WT1: variants seen among roughly 807,000 people sequenced by gnomAD.
The protein encoded by WT1 is Wilms tumor protein.
WT1 carries 8 observed loss-of-function variants against 60.8 expected under a neutral mutation model. The ratio of observed to expected loss-of-function variants is 0.13; its 90% CI spans 0.08 to 0.24. The LOEUF is 0.24. Among genes scored for constraint, WT1 ranks in the 10% least tolerant of loss-of-function variants. WT1 has a pLI of 1.00. For synonymous variants in WT1, 312 were observed against 297.1 expected, an observed-to-expected ratio of 1.05 and a Z score of -0.52; for missense variants, 568 against 711.8, an observed-to-expected ratio of 0.80 and a Z score of 2.30.
intron 3 of WT1, among the ~76,000 whole-genome samples, chr11:32,424,167 A>T (rs1852947693): frequency 6.6e-6 from 1 of 151,844 alleles, no homozygotes. Flanking sequence ...TCTCAAAAAA[A>T]AAAAAAAAAA....
chr11:32,400,209 A>G (rs920669723), intron 5 of WT1, 165 bp from the exon 6 acceptor site: 35 of 806,386 alleles, frequency 4.3e-5, no homozygotes, highest in Non-Finnish European at 6.8e-5. Flanking sequence ...GGTTCTGCGG[A>G]GGGCGAGGCC....
Position 32,434,708 on chromosome 11 carries a change from C to T in WT1, c.653G>A (p.Arg218His), listed in dbSNP as rs756414084. The T allele has an allele frequency of 1.2e-6, 2 of 1,612,986 alleles. No individual in the cohort carries two copies. Among genetic ancestry groups the T allele is most frequent in the Middle Eastern group, 1.7e-4 (1 of 6,044 alleles). The change falls in exon 1 of 10, where the codon CGC becomes CAC. Residue 218 changes from arginine (R) to histidine (H), a missense_variant. Arg to His is a conservative substitution (Grantham distance 29). Coordinates refer to ENST00000452863, the MANE Select transcript of WT1 (RefSeq NM_024426.6). ...CTCCCCGGCCTACTTACCCTGATTGCGAATAGCGGGCTGGCTCTCGAGGCA... is the reference window on the plus strand; with the variant it reads ...CTCCCCGGCCTACTTACCCTGATTGTGAATAGCGGGCTGGCTCTCGAGGCA...
In WT1 at chr11:32,434,932, G is replaced by T; in HGVS notation, c.429C>A (p.Ser143=). Residue 143 remains serine, a synonymous_variant, in exon 1 of 10, where the codon TCC becomes TCA. Coordinates refer to ENST00000452863, the MANE Select transcript of WT1 (RefSeq NM_024426.6). ...CCCAGCTCGGCTCCTGTTTGATGAAGGAGTGAGGCGGCGGCGGCGGGGGTG... is the reference window on the plus strand; with the variant it reads ...CCCAGCTCGGCTCCTGTTTGATGAATGAGTGAGGCGGCGGCGGCGGGGGTG... 2 of 1,597,140 alleles carry T rather than the reference G, an allele frequency of 1.3e-6. No individual in the cohort carries two copies. Among genetic ancestry groups the T allele is most frequent in the Non-Finnish European group, 1.7e-6 (2 of 1,173,982 alleles).
Position 32,417,532 on chromosome 11 carries a change from G to C in WT1, c.965+45C>G, listed in dbSNP as rs367943429. On this transcript the variant is annotated intron_variant, in intron 4 of 9. Coordinates refer to ENST00000452863, the MANE Select transcript of WT1 (RefSeq NM_024426.6). ...AAGCACCTTTGAAATGGTTCAAACA[G>C]GTATAAGTTACTGTGGAAAGGCAAT... The C allele has an allele frequency of 1.0e-5, 16 of 1,537,504 alleles. No homozygotes were observed. In the African/African-American group the frequency reaches 1.9e-4, roughly 18 times the overall value.
intron 5 of WT1, among the ~76,000 whole-genome samples, chr11:32,402,761 G>T (rs748419839): frequency 6.6e-6 from 1 of 152,162 alleles, no homozygotes; most frequent in Non-Finnish European, 1.5e-5. Flanking sequence ...GTCCTCCATA[G>T]GATGGTCTCA....
chr11:32,397,496 T>G (rs1012866796), intron 6 of WT1, among the ~76,000 whole-genome samples: 2 of 151,502 alleles, frequency 1.3e-5, no homozygotes, highest in Non-Finnish European at 2.9e-5. Flanking sequence ...TTTTTTTTTT[T>G]TTTGGTAGAG....
At chr11:32,433,137 C>T (rs1853366862) in intron 1 of WT1, among the ~76,000 whole-genome samples, 1 of 152,210 alleles carries the variant, frequency 6.6e-6, no homozygotes, top group Non-Finnish European at 1.5e-5. Flanking sequence ...CTAGAAACTC[C>T]CCAAAAGTAA....
intron 5 of WT1, 117 bp downstream of exon 5, chr11:32,416,373 C>T (rs1852669106): frequency 7.8e-7 from 1 of 1,287,798 alleles, no homozygotes; most frequent in Non-Finnish European, 1.1e-6. Context: ...AGAGATTCTT[C>T]CCATCCACCA....
chr11:32,422,544 G>A (rs1429310112), intron 3 of WT1, among the ~76,000 whole-genome samples: 3 of 152,186 alleles, frequency 2.0e-5, no homozygotes, highest in Non-Finnish European at 4.4e-5. Flanking sequence ...TATTTTCTTG[G>A]GCATGGGCTG....
At chr11:32,421,469 T>G (rs1261277868) in intron 3 of WT1, among the ~76,000 whole-genome samples, 1 of 152,232 alleles carries the variant, frequency 6.6e-6, no homozygotes, top group Non-Finnish European at 1.5e-5. Context: ...AGTCATGGTG[T>G]CCTTTATATT....
At chr11:32,430,646 C>T in intron 1 of WT1, 1 of 1,506,886 alleles carries the variant, frequency 6.6e-7, no homozygotes, top group African/African-American at 1.4e-5. Flanking sequence ...AGTCGCGGCA[C>T]CCACTCTCGA....
At chr11:32,396,903 C>T (rs1375299069) in intron 6 of WT1, among the ~76,000 whole-genome samples, 2 of 152,146 alleles carry the variant, frequency 1.3e-5, no homozygotes, top group Non-Finnish European at 2.9e-5. Flanking sequence ...CTGACCAGAT[C>T]GTCCAAGTAT....
rs141990496 is a variant in WT1, at chr11:32,408,356, A to T, written c.1016+8134T>A. 3.3e-3 allele frequency among the ~76,000 whole-genome samples: 502 copies of T among 152,010 alleles called. 2 individuals are homozygous for T. The highest frequency in any genetic ancestry group is 0.012 in the African/African-American group (480 of 41,472). The stretch of plus-strand genomic sequence containing the variant: ...GGTGAAACCCCGTCTCTACTAAAAA[A>T]TACAAAACATTAGCCGGGTGTCGTG... On this transcript the variant is annotated intron_variant, in intron 5 of 9. Transcript: ENST00000452863.
intron 5 of WT1, among the ~76,000 whole-genome samples, chr11:32,402,047 G>C (rs1305368902): frequency 6.6e-6 from 1 of 152,156 alleles, no homozygotes; most frequent in African/African-American, 2.4e-5. Context: ...AGAGGAGAGA[G>C]TGCCTGAAGG....
At chr11:32,396,913 T>G (rs1475908361) in intron 6 of WT1, among the ~76,000 whole-genome samples, 1 of 152,164 alleles carries the variant, frequency 6.6e-6, no homozygotes, top group African/African-American at 2.4e-5. Flanking sequence ...CGTCCAAGTA[T>G]AAGTAAATAA....
In WT1 at chr11:32,396,878, T is replaced by A. The variant is rs114599415; in HGVS notation, c.1114-471A>T. ...TCCTTATTAGAAAAAAGTGGGATAA[T>A]GAATGAGCCCCTAACTGACCAGATC... On this transcript the variant is annotated intron_variant, in intron 6 of 9. Coordinates refer to ENST00000452863, the MANE Select transcript of WT1 (RefSeq NM_024426.6). 3.2e-3 allele frequency among the ~76,000 whole-genome samples: 482 copies of A among 152,228 alleles called. 1 individual carries two copies. Among genetic ancestry groups the A allele is most frequent in the African/African-American group, 0.011 (464 of 41,538 alleles).
intron 1 of WT1, among the ~76,000 whole-genome samples, chr11:32,434,441 C>T (rs1473515984): frequency 2.0e-5 from 3 of 152,242 alleles, no homozygotes; most frequent in African/African-American, 4.8e-5. Context: ...CTCTAAGGGG[C>T]CCCAGACGCC....
Position 32,416,488 on chromosome 11 carries a change from A to C in WT1, c.1016+2T>G, listed in dbSNP as rs1852674417. 1 of 1,614,066 alleles carries C rather than the reference A, an allele frequency of 6.2e-7. No homozygotes were observed. Among genetic ancestry groups the C allele is most frequent in the Non-Finnish European group, 8.5e-7 (1 of 1,179,988 alleles). On this transcript the variant is annotated splice_donor_variant, in intron 5 of 9. Transcript: ENST00000452863. LOFTEE classifies it high-confidence loss of function. The stretch of plus-strand genomic sequence containing the variant: ...TTTGCCATCTCCGCATTGTCCACTC[A>C]CTTGCTCTGCCCTTCTGTCCATTTC...
At chr11:32,431,302 G>A (rs1422725288) in intron 1 of WT1, among the ~76,000 whole-genome samples, 4 of 152,300 alleles carry the variant, frequency 2.6e-5, no homozygotes, top group Admixed American at 6.5e-5. Flanking sequence ...CCGGAAGAGG[G>A]AGCCTTTGGC....
Sources: allele counts gnomAD v4.1 joint callset (sites outside exome capture counted in the v4.1 genomes callset), GRCh38; gene constraint gnomAD v4.1.1; transcripts MANE v1.5; gene names NCBI Gene and HGNC (gene_info 2026-07-23, HGNC 2026-07-21).